LCN10: variants seen among roughly 807,000 people sequenced by gnomAD.
The protein encoded by LCN10 is epididymal-specific lipocalin-10.
LCN10 carries 18 observed loss-of-function variants against 25.1 expected under a neutral mutation model. That is an observed-to-expected ratio of 0.72 (90% CI 0.50 to 1.06). The LOEUF (loss-of-function observed/expected upper bound fraction) is 1.06, where lower values mean the gene tolerates loss of function less well. LCN10 is among the 50% of genes least tolerant of loss of function. The probability of loss-of-function intolerance (pLI) is 0.00; values close to 1 mark genes in which losing one functional copy is unlikely to be tolerated. For missense variants in LCN10, 257 were observed against 258.9 expected (o/e 0.99, Z 0.05); for synonymous variants, 130 against 116.7 (o/e 1.11, Z -0.73).
Position 136,741,252 on chromosome 9 carries a change from C to G in LCN10, c.367G>C (p.Val123Leu). 1 of 1,613,080 alleles carries G rather than the reference C, an allele frequency of 6.2e-7. No individual in the cohort carries two copies. ...AAGPREGQEG[V>L]KGVKAFHVLS... The stretch of plus-strand genomic sequence containing the variant: ...TCCAGGGCCCAGAGCCCAAGCACAC[C>G]TCCCTCCTGTCCTTCCCTCGGGCCC... The change falls in exon 3 of 6, where the codon GTG (valine) becomes CTG (leucine). Residue 123 changes from valine to leucine, a missense_variant and splice_region_variant. Coordinates refer to ENST00000497771, the MANE Select transcript of LCN10 (RefSeq NM_001001712.3).
In LCN10 at chr9:136,741,375, G is replaced by C. The variant is rs773587190; in HGVS notation, c.258-14C>G. 6.3e-7 allele frequency: 1 copy of C among 1,588,504 alleles called. No homozygotes were observed. The highest frequency in any genetic ancestry group is 8.6e-7 in the Non-Finnish European group (1 of 1,162,542). On this transcript the variant is annotated splice_polypyrimidine_tract_variant and intron_variant, in intron 2 of 5. Transcript: ENST00000497771. ...CACCCCTTCAACCTGGGGCCAAGGC[G>C]GGGGCTCAGGCTGCAGACCAGGGAA... is the stretch of plus-strand genomic sequence containing the variant.
rs2131072751 is a variant in LCN10, at chr9:136,742,797, T to A, written c.107A>T (p.Asn36Ile). The A allele has an allele frequency of 6.2e-7, 1 of 1,613,328 alleles. No homozygotes were observed. The highest frequency in any genetic ancestry group is 1.3e-5 in the African/African-American group (1 of 75,018). The change falls in exon 1 of 6, where the codon AAC becomes ATC. Residue 36 changes from asparagine to isoleucine, a missense_variant. Coordinates refer to ENST00000497771, the MANE Select transcript of LCN10 (RefSeq NM_001001712.3). Reference sequence around the variant, plus strand: ...TGGCACATGGCTCACCTTGTTCCAGTTGAGGGCGTGGGACTCCCTGGGGTA... The same window carrying A: ...TGGCACATGGCTCACCTTGTTCCAGATGAGGGCGTGGGACTCCCTGGGGTA... ...EWYPRESHALNWNKFSGFWYI... is the reference protein window; with the variant it reads ...EWYPRESHALIWNKFSGFWYI...
At position 136,740,997 on chromosome 9, in the gene LCN10, C is replaced by T. The variant is rs761790098; in HGVS notation, c.368-54G>A. ...GGTTCCCGGATGGCGTGGCTGTGCCCGCCCACAGCCCTGACCCCTGGTGCC... is the reference window on the plus strand; with the variant it reads ...GGTTCCCGGATGGCGTGGCTGTGCCTGCCCACAGCCCTGACCCCTGGTGCC... On this transcript the variant is annotated intron_variant, in intron 3 of 5. Coordinates refer to ENST00000497771, the MANE Select transcript of LCN10 (RefSeq NM_001001712.3). The surrounding 1 kb of genome is among the most constrained non-coding windows in gnomAD (Gnocchi z 5.3). 6.8e-6 allele frequency: 10 copies of T among 1,479,742 alleles called. No individual in the cohort carries two copies. The highest frequency in any genetic ancestry group is 3.5e-5 in the Admixed American group (2 of 56,470). The allele number at this position is 1,479,742 out of a possible 1,614,324, so 91.7% of individuals were successfully genotyped here.
At chr9:136,741,748 G>T (rs1846940270) in intron 2 of LCN10, 133 bp downstream of exon 2, 2 of 1,249,158 alleles carry the variant, frequency 1.6e-6, no homozygotes, top group Admixed American at 2.7e-5. Context: ...CTGAGTTTAG[G>T]GGGAGGAAGT....
Position 136,740,751 on chromosome 9 carries a change from T to TGCCCGGCCCCCTGTGCCCAGC in LCN10, c.475+64_475+84dup. ...CACTCTCCCTGCCCGCCTCACCTCC[T>TGCCCGGCCCCCTGTGCCCAGC]GCCCGGCCCCCTGTGCCCAGCGCCC... On this transcript the variant is annotated intron_variant, in intron 4 of 5. Coordinates refer to ENST00000497771, the MANE Select transcript of LCN10 (RefSeq NM_001001712.3). This position sits in a 1 kb window ranked among gnomAD's most constrained non-coding sequence, Gnocchi z 5.3. 1.2e-6 allele frequency: 1 copy of TGCCCGGCCCCCTGTGCCCAGC among 825,858 alleles called. No homozygotes were observed. The highest frequency in any genetic ancestry group is 1.8e-6 in the Non-Finnish European group (1 of 553,306). 51.2% of individuals were successfully genotyped at this position (825,858 alleles called of 1,614,324 possible).
chr9:136,740,383 G>A lies in LCN10; in HGVS notation c.476-335C>T, dbSNP rs746906061. 19 of 445,752 alleles carry A rather than the reference G, an allele frequency of 4.3e-5. No homozygotes were observed. The highest frequency in any genetic ancestry group is 1.8e-4 in the African/African-American group (9 of 50,530). 27.6% of individuals were successfully genotyped at this position (445,752 alleles called of 1,614,324 possible). A position where few individuals can be genotyped will look rare whatever the true frequency, so the allele number is the denominator to read the frequency against. On this transcript the variant is annotated intron_variant, in intron 4 of 5. Coordinates refer to ENST00000497771, the MANE Select transcript of LCN10 (RefSeq NM_001001712.3). The surrounding 1 kb of genome is among the most constrained non-coding windows in gnomAD (Gnocchi z 5.3). ...CCAGGACCCCACCTCCCCTCTACCCGTTCCAACCGGGAGGGCCACTCCTTT... is the reference window on the plus strand; with the variant it reads ...CCAGGACCCCACCTCCCCTCTACCCATTCCAACCGGGAGGGCCACTCCTTT...
rs1846884808 is a variant in LCN10, at chr9:136,739,407, G to A, written c.*118C>T. 1.9e-6 allele frequency: 2 copies of A among 1,052,726 alleles called. No homozygotes were observed. The highest frequency in any genetic ancestry group is 1.4e-5 in the South Asian group (1 of 71,970). The allele number at this position is 1,052,726 out of a possible 1,614,324, so 65.2% of individuals were successfully genotyped here. ...GCCACTTGATTTTCACACTGTCAAT[G>A]ACCTAGAGTCACCAAACACCTCTCA... On this transcript the variant is annotated 3_prime_UTR_variant, in exon 6 of 6. Coordinates refer to ENST00000497771, the MANE Select transcript of LCN10 (RefSeq NM_001001712.3). The surrounding 1 kb of genome is among the most constrained non-coding windows in gnomAD (Gnocchi z 6.1).
intron 1 of LCN10, 183 bp from the exon 2 acceptor site, chr9:136,742,203 G>A: frequency 2.8e-6 from 2 of 713,364 alleles, no homozygotes; most frequent in South Asian, 2.0e-5. Flanking sequence ...GGGCTGCAGA[G>A]AAGCAGGTGC....
chr9:136,741,961 G>T lies in LCN10; in HGVS notation c.177C>A (p.Ala59=). The change falls in exon 2 of 6, where the codon GCC becomes GCA. Residue 59 remains alanine (A), a synonymous_variant. Transcript: ENST00000497771. ...ACGCCCCCAGCTTCCTCTTGTCCCT[G>T]GCCGGCAAGAATCCCTGGGCATCAG... ...TATDAQGFLP[A]RDKRKLGASV... 6.2e-7 allele frequency: 1 copy of T among 1,612,530 alleles called. No individual in the cohort carries two copies. The highest frequency in any genetic ancestry group is 8.5e-7 in the Non-Finnish European group (1 of 1,179,526).
In LCN10 at chr9:136,741,970, G is replaced by A; in HGVS notation, c.168C>T (p.Phe56=). ...GCTTCCTCTTGTCCCTGGCCGGCAAGAATCCCTGGGCATCAGTGGCAGTGG... is the reference window on the plus strand; with the variant it reads ...GCTTCCTCTTGTCCCTGGCCGGCAAAAATCCCTGGGCATCAGTGGCAGTGG... ...ILATATDAQG[F]LPARDKRKLG... The change falls in exon 2 of 6, where the codon TTC becomes TTT. Residue 56 remains phenylalanine (F), a synonymous_variant. Transcript: ENST00000497771. 6.2e-7 allele frequency: 1 copy of A among 1,612,770 alleles called. No individual in the cohort carries two copies. Among genetic ancestry groups the A allele is most frequent in the Non-Finnish European group, 8.5e-7 (1 of 1,179,604 alleles).
chr9:136,742,832 C>T lies in LCN10; in HGVS notation c.72G>A (p.Val24=). Residue 24 remains valine, a synonymous_variant, in exon 1 of 6, where the codon GTG becomes GTA. Transcript: ENST00000497771. ...LVLVLAAGSQ[V]QEWYPRESHA... ...GGGACTCCCTGGGGTACCACTCCTG[C>T]ACCTGGGACCCTGCAGCCAGCACTA... The T allele has an allele frequency of 1.9e-6, 3 of 1,613,614 alleles. No individual in the cohort carries two copies.
chr9:136,740,049 C>G lies in LCN10; in HGVS notation c.476-1G>C, dbSNP rs1248821546. On this transcript the variant is annotated splice_acceptor_variant, in intron 4 of 5. Coordinates refer to ENST00000497771, the MANE Select transcript of LCN10 (RefSeq NM_001001712.3). LOFTEE classifies it high-confidence loss of function. The surrounding 1 kb of genome is among the most constrained non-coding windows in gnomAD (Gnocchi z 5.3). ...TGGAAGCTCGAAACATTCTGCCTATCTGAGGTTGAGATCAGGATCACATCA... is the reference window on the plus strand; with the variant it reads ...TGGAAGCTCGAAACATTCTGCCTATGTGAGGTTGAGATCAGGATCACATCA... 1.9e-6 allele frequency: 3 copies of G among 1,560,036 alleles called. No homozygotes were observed. In the Admixed American group the frequency reaches 5.7e-5, roughly 30 times the overall value.
intron 1 of LCN10, 40 bp from the exon 2 acceptor site, chr9:136,742,060 C>T (rs765251080): frequency 3.0e-5 from 48 of 1,608,418 alleles, no homozygotes; most frequent in Admixed American, 2.8e-4. Context: ...GAGCTGCCAC[C>T]GGGGGCTGTC....
chr9:136,739,825 G>C lies in LCN10; in HGVS notation c.574+125C>G. On this transcript the variant is annotated intron_variant, in intron 5 of 5. Coordinates refer to ENST00000497771, the MANE Select transcript of LCN10 (RefSeq NM_001001712.3). This position sits in a 1 kb window ranked among gnomAD's most constrained non-coding sequence, Gnocchi z 6.1. ...GCGGCAGGAGGTGGGAGGCACGTTT[G>C]GGCGGATCTTTCAAATGGCACCTTT... 1 of 917,930 alleles carries C rather than the reference G, an allele frequency of 1.1e-6. No individual in the cohort carries two copies. Among genetic ancestry groups the C allele is most frequent in the Non-Finnish European group, 1.7e-6 (1 of 573,278 alleles). The allele number at this position is 917,930 out of a possible 1,614,324, so 56.9% of individuals were successfully genotyped here. A position where few individuals can be genotyped will look rare whatever the true frequency, so the allele number is the denominator to read the frequency against.
Position 136,739,251 on chromosome 9 carries a change from A to G in LCN10, c.*274T>C. On this transcript the variant is annotated 3_prime_UTR_variant, in exon 6 of 6. Coordinates refer to ENST00000497771, the MANE Select transcript of LCN10 (RefSeq NM_001001712.3). The surrounding 1 kb of genome is among the most constrained non-coding windows in gnomAD (Gnocchi z 6.1). ...GCCGGCCTGTGGTCTGTTTCACAGC[A>G]GACAGGGAATAGCAGCAGCCTGCAG... is the stretch of plus-strand genomic sequence containing the variant. 2.1e-6 allele frequency: 1 copy of G among 475,214 alleles called. No homozygotes were observed. 29.4% of individuals were successfully genotyped at this position (475,214 alleles called of 1,614,324 possible).
At chr9:136,742,640 G>T (rs1275390866) in intron 1 of LCN10, 147 bp downstream of exon 1, 8 of 1,002,434 alleles carry the variant, frequency 8.0e-6, no homozygotes, top group Non-Finnish European at 1.1e-5. Context: ...TGTGCTGGAG[G>T]CTGCAGTGGG....
intron 3 of LCN10, 76 bp from the exon 4 acceptor site, chr9:136,741,019 T>C (rs1846920989): frequency 7.5e-7 from 1 of 1,330,682 alleles, no homozygotes. Flanking sequence ...TGACCCCTGG[T>C]GCCCGAGGCC....
Position 136,739,308 on chromosome 9 carries a change from G to C in LCN10, c.*217C>G. 1.8e-6 allele frequency: 1 copy of C among 571,362 alleles called. No homozygotes were observed. The highest frequency in any genetic ancestry group is 1.9e-5 in the African/African-American group (1 of 53,324). 35.4% of individuals were successfully genotyped at this position (571,362 alleles called of 1,614,324 possible). A position where few individuals can be genotyped will look rare whatever the true frequency, so the allele number is the denominator to read the frequency against. Reference sequence around the variant, plus strand: ...CCAGAAGACAGTGGGGAAGGGGCCTGGCTGACATCTCGCCACCCGGTCAGC... The same window carrying C: ...CCAGAAGACAGTGGGGAAGGGGCCTCGCTGACATCTCGCCACCCGGTCAGC... On this transcript the variant is annotated 3_prime_UTR_variant, in exon 6 of 6. Transcript: ENST00000497771. This position sits in a 1 kb window ranked among gnomAD's most constrained non-coding sequence, Gnocchi z 6.1.
Position 136,742,669 on chromosome 9 carries a change from G to A in LCN10, c.117+118C>T, listed in dbSNP as rs910079094. ...CAGTGGGAGAGGCCAGGTGGGCAGC[G>A]CCCGTGCCTGGAACTGCTGGTAGCC... On this transcript the variant is annotated intron_variant, in intron 1 of 5. Coordinates refer to ENST00000497771, the MANE Select transcript of LCN10 (RefSeq NM_001001712.3). 3.2e-5 allele frequency: 41 copies of A among 1,277,108 alleles called. 1 individual carries two copies. In the South Asian group the frequency reaches 4.5e-4, roughly 14 times the overall value. 79.1% of individuals were successfully genotyped at this position (1,277,108 alleles called of 1,614,324 possible).
Sources: gnomAD v4.1 joint callset for allele counts on GRCh38, gnomAD v4.1.1 for gene constraint, Gnocchi (gnomAD v3.1) non-coding constraint, MANE v1.5 for transcripts, NCBI Gene and HGNC (gene_info 2026-07-23, HGNC 2026-07-21) for gene names.